The following GALNT17 variants were observed in gnomAD, a reference collection of about 807,000 sequenced individuals.
GALNT17 encodes polypeptide N-acetylgalactosaminyltransferase 17, also known as UDP-GalNAc:polypeptide N-acetylgalactosaminyltransferase-like 3.
GALNT17 carries 29 observed loss-of-function variants against 63.7 expected under a neutral mutation model. The ratio of observed to expected loss-of-function variants is 0.46; its 90% CI spans 0.34 to 0.62. The LOEUF (loss-of-function observed/expected upper bound fraction) is 0.62, where lower values mean the gene tolerates loss of function less well. Among genes scored for constraint, GALNT17 ranks in the 20% least tolerant of loss-of-function variants. The pLI, the probability that GALNT17 is intolerant of heterozygous loss-of-function variation, is 0.01. For synonymous variants in GALNT17, 305 were observed against 318.3 expected, an observed-to-expected ratio of 0.96 and a Z score of 0.45; for missense variants, 603 against 799.6, an observed-to-expected ratio of 0.75 and a Z score of 2.97.
intron 1 of GALNT17, among the ~76,000 whole-genome samples, chr7:71,141,707 C>G (rs1311953089): frequency 6.8e-6 from 1 of 146,410 alleles, no homozygotes; most frequent in Non-Finnish European, 1.5e-5. Flanking sequence ...AACAGAGTCT[C>G]GCTCTGTTAC....
At chr7:71,463,615 A>G (rs559723403) in intron 5 of GALNT17, among the ~76,000 whole-genome samples, 5 of 152,238 alleles carry the variant, frequency 3.3e-5, no homozygotes, top group African/African-American at 1.2e-4. Context: ...AGTTATAGTT[A>G]TTTCTTGATG....
chr7:71,235,829 T>C (rs1197654552), intron 1 of GALNT17, among the ~76,000 whole-genome samples: 1 of 152,230 alleles, frequency 6.6e-6, no homozygotes, highest in Non-Finnish European at 1.5e-5. Context: ...GCTCCACTCC[T>C]TCTTCCTTCC....
intron 6 of GALNT17, among the ~76,000 whole-genome samples, chr7:71,655,463 G>A (rs1228307180): frequency 6.6e-6 from 1 of 152,136 alleles, no homozygotes; most frequent in East Asian, 1.9e-4. Flanking sequence ...AGTCAACACC[G>A]GGGTAGGCAG....
At chr7:71,708,209 C>T (rs951344737) in intron 9 of GALNT17, among the ~76,000 whole-genome samples, 9 of 152,100 alleles carry the variant, frequency 5.9e-5, no homozygotes, top group African/African-American at 2.2e-4. Flanking sequence ...TAAAAACATA[C>T]CCAAGACTGG....
chr7:71,626,339 C>T (rs1035336594), intron 6 of GALNT17, among the ~76,000 whole-genome samples: 4 of 152,118 alleles, frequency 2.6e-5, no homozygotes, highest in Admixed American at 1.3e-4. Context: ...AGAGATGCCT[C>T]AGATGTAACC....
chr7:71,251,855 C>A (rs1790203793), intron 1 of GALNT17, among the ~76,000 whole-genome samples: 1 of 152,200 alleles, frequency 6.6e-6, no homozygotes, highest in African/African-American at 2.4e-5. Context: ...CGACTGTCAC[C>A]CCCAGGGCAC....
chr7:71,530,810 C>T (rs978480803), intron 5 of GALNT17, among the ~76,000 whole-genome samples: 12 of 151,996 alleles, frequency 7.9e-5, no homozygotes, highest in African/African-American at 2.7e-4. Context: ...CCTTGTGATC[C>T]GTCCGCCTCG....
chr7:71,376,044 A>T (rs1792715922), intron 2 of GALNT17, among the ~76,000 whole-genome samples: 1 of 151,578 alleles, frequency 6.6e-6, no homozygotes, highest in Non-Finnish European at 1.5e-5. Context: ...GTGCCACTGC[A>T]CTCCAGCCTG....
chr7:71,267,421 A>T (rs1302035723), intron 1 of GALNT17, among the ~76,000 whole-genome samples: 1 of 151,796 alleles, frequency 6.6e-6, no homozygotes, highest in East Asian at 1.9e-4. Context: ...ATAGACATAA[A>T]TAAGTCTAAT....
intron 1 of GALNT17, among the ~76,000 whole-genome samples, chr7:71,181,253 T>TAA (rs34436643): frequency 0.06 from 8,152 of 134,956 alleles, 342 homozygotes; most frequent in African/African-American, 0.12. Context: ...AGACTCGTCT[T>TAA]AAAAAAAAAA....
chr7:71,158,362 C>A (rs1464653234), intron 1 of GALNT17, among the ~76,000 whole-genome samples: 1 of 151,300 alleles, frequency 6.6e-6, no homozygotes, highest in Non-Finnish European at 1.5e-5. Flanking sequence ...CCCAAGCCTT[C>A]ATCTTTCTCC....
chr7:71,146,443 G>C (rs1788025624), intron 1 of GALNT17, among the ~76,000 whole-genome samples: 1 of 152,168 alleles, frequency 6.6e-6, no homozygotes, highest in South Asian at 2.1e-4. Context: ...AACTCTCCAT[G>C]GGTGGCTTTT....
At chr7:71,470,407 A>T (rs1330681357) in intron 5 of GALNT17, among the ~76,000 whole-genome samples, 1 of 152,122 alleles carries the variant, frequency 6.6e-6, no homozygotes, top group Non-Finnish European at 1.5e-5. Flanking sequence ...ACTTGAACGG[A>T]GCACTTGAAA....
intron 3 of GALNT17, among the ~76,000 whole-genome samples, chr7:71,396,656 A>G (rs945954960): frequency 6.6e-6 from 1 of 152,174 alleles, no homozygotes. Context: ...TCTGAGAAAT[A>G]GCTGTTAGAA....
At chr7:71,197,751 A>T (rs1789081778) in intron 1 of GALNT17, among the ~76,000 whole-genome samples, 1 of 152,116 alleles carries the variant, frequency 6.6e-6, no homozygotes, top group Admixed American at 6.5e-5. Flanking sequence ...CTCCAGTTTT[A>T]TCCATGTTGT....
intron 6 of GALNT17, among the ~76,000 whole-genome samples, chr7:71,583,755 A>ACACACACAC (rs1554312281): frequency 2.2e-5 from 2 of 91,810 alleles, no homozygotes; most frequent in East Asian, 4.1e-4. Flanking sequence ...ACACACACAC[A>ACACACACAC]CACACCACAC....
At chr7:71,238,268 C>G (rs1789931468) in intron 1 of GALNT17, among the ~76,000 whole-genome samples, 1 of 152,178 alleles carries the variant, frequency 6.6e-6, no homozygotes, top group Non-Finnish European at 1.5e-5. Context: ...GGAGGGGACT[C>G]TGGTTCCAGG....
intron 5 of GALNT17, among the ~76,000 whole-genome samples, chr7:71,470,471 G>T (rs1583981884): frequency 6.6e-6 from 1 of 152,034 alleles, no homozygotes. Context: ...CTGTGTAAAG[G>T]ATGTTTAGGT....
chr7:71,465,429 A>G (rs1204863840), intron 5 of GALNT17, among the ~76,000 whole-genome samples: 1 of 152,240 alleles, frequency 6.6e-6, no homozygotes, highest in East Asian at 1.9e-4. Context: ...GTTACACAAC[A>G]TAATTTAAAG....
Sources: allele counts gnomAD v4.1 joint callset (sites outside exome capture counted in the v4.1 genomes callset), GRCh38; gene constraint gnomAD v4.1.1; transcripts MANE v1.5; gene names NCBI Gene and HGNC (gene_info 2026-07-23, HGNC 2026-07-21).